The following FAM186A variants were observed in gnomAD, a reference collection of about 807,000 sequenced individuals.
The protein encoded by FAM186A is family with sequence similarity 186 member A, also known as protein FAM186A.
FAM186A carries 163 observed loss-of-function variants against 216.8 expected under a neutral mutation model. That is an observed-to-expected ratio of 0.75 (90% confidence interval 0.66 to 0.86). The LOEUF is 0.86. FAM186A is among the 40% of genes least tolerant of loss of function. The pLI, the probability that FAM186A is intolerant of heterozygous loss-of-function variation, is 0.00. For missense variants in FAM186A, 2,184 were observed against 2,746.2 expected, an observed-to-expected ratio of 0.80 and a Z score of 4.58; for synonymous variants, 805 against 1,025.3, an observed-to-expected ratio of 0.79 and a Z score of 4.10.
At position 50,356,082 on chromosome 12, in the gene FAM186A, G is replaced by A; in HGVS notation, c.750C>T (p.Phe250=). Reference sequence around the variant, plus strand: ...TAATAGCATTGTTTTCCAATGTACTGAACATTGTGGTGCCTATGAGTTCCT... The same window carrying A: ...TAATAGCATTGTTTTCCAATGTACTAAACATTGTGGTGCCTATGAGTTCCT... ...MLQELIGTTM[F]STLENNAIKY... is the part of the protein sequence containing the mutation. The change falls in exon 4 of 8, where the codon TTC becomes TTT. Residue 250 remains phenylalanine, a synonymous_variant. Transcript: ENST00000327337. 6.4e-7 allele frequency: 1 copy of A among 1,551,558 alleles called. No homozygotes were observed. The highest frequency in any genetic ancestry group is 8.7e-7 in the Non-Finnish European group (1 of 1,146,962).
rs150583039 is a variant in FAM186A, at chr12:50,351,674, C to T, written c.5158G>A (p.Ala1720Thr). The change falls in exon 4 of 8, where the codon GCT (alanine) becomes ACT (threonine). Residue 1720 changes from alanine to threonine, a missense_variant. Ala to Thr is a moderately conservative substitution (Grantham distance 58). Around this residue, in one of 7 missense-constraint regions of FAM186A, gnomAD observed 721 missense variants for 816.4 expected, o/e 0.88. Transcript: ENST00000327337. ...WSHRPFQKSK[A>T]SLPTGQSIIS... ...ATGGATTGCCCAGTGGGGAGAGAAG[C>T]CTTCGATTTCTGAAATGGTCTATGG... 1 of 1,551,422 alleles carries T rather than the reference C, an allele frequency of 6.4e-7. No homozygotes were observed. The highest frequency in any genetic ancestry group is 8.7e-7 in the Non-Finnish European group (1 of 1,146,922).
chr12:50,394,956 C>T (rs538116764), intron 1 of FAM186A, among the ~76,000 whole-genome samples: 1 of 151,816 alleles, frequency 6.6e-6, no homozygotes, highest in East Asian at 1.9e-4. Context: ...TCTCAAACTC[C>T]TGGGCTCAAG....
chr12:50,350,985 A>G lies in FAM186A; in HGVS notation c.5847T>C (p.Pro1949=). 6.4e-7 allele frequency: 1 copy of G among 1,551,610 alleles called. No individual in the cohort carries two copies. Among genetic ancestry groups the G allele is most frequent in the Non-Finnish European group, 8.7e-7 (1 of 1,146,972 alleles). The change falls in exon 4 of 8, where the codon CCT becomes CCC. Residue 1949 remains proline, a synonymous_variant. Transcript: ENST00000327337. ...TTGCCAATCTTTTCTTAGCAACAGA[A>G]GGGGACCAACTTTTCTGGGGCTTTC... ...APGKPQKSWS[P]SVAKKRLAII...
At chr12:50,388,681 C>G (rs1943328464) in intron 1 of FAM186A, among the ~76,000 whole-genome samples, 1 of 151,484 alleles carries the variant, frequency 6.6e-6, no homozygotes, top group Non-Finnish European at 1.5e-5. Context: ...TGACAGTTAC[C>G]TAAAAGGATT....
rs558397821 is a variant in FAM186A at position 50,388,366 on chromosome 12, C to T, written c.192+7927G>A. On this transcript the variant is annotated intron_variant, in intron 1 of 7. Coordinates refer to ENST00000327337, the MANE Select transcript of FAM186A (RefSeq NM_001145475.3). ...GGGCGCAGTGGCTCACACCTGTAAT[C>T]GCACACTTTGGGAGGCAGAGGCGGG... Among the ~76,000 whole-genome samples the T allele has an allele frequency of 1.8e-4, 28 of 152,310 alleles. 1 individual carries two copies. The highest frequency in any genetic ancestry group is 1.7e-3 in the South Asian group (8 of 4,830).
In FAM186A at chr12:50,387,448, G is replaced by T. The variant is rs190890913; in HGVS notation, c.192+8845C>A. On this transcript the variant is annotated intron_variant, in intron 1 of 7. Coordinates refer to ENST00000327337, the MANE Select transcript of FAM186A (RefSeq NM_001145475.3). The stretch of plus-strand genomic sequence containing the variant: ...TACACACTAGGAGTTTAGGAGTGGA[G>T]GTTTAATAGGCAGAAGAAAAGAGAA... Among the ~76,000 whole-genome samples the T allele has an allele frequency of 1.8e-4, 27 of 152,212 alleles. 1 individual carries two copies. Among genetic ancestry groups the T allele is most frequent in the Admixed American group, 3.9e-4 (6 of 15,266 alleles).
At chr12:50,335,795 G>A (rs1477948913) in intron 4 of FAM186A, among the ~76,000 whole-genome samples, 1 of 151,954 alleles carries the variant, frequency 6.6e-6, no homozygotes, top group Non-Finnish European at 1.5e-5. Context: ...AACTAAATAG[G>A]CTGCAGGAGC....
At chr12:50,344,989 C>T (rs1336928524) in intron 4 of FAM186A, among the ~76,000 whole-genome samples, 1 of 152,018 alleles carries the variant, frequency 6.6e-6, no homozygotes, top group East Asian at 1.9e-4. Context: ...CGGTGGCTCA[C>T]GCCTGTAATC....
In FAM186A at chr12:50,356,163, C is replaced by T; in HGVS notation, c.669G>A (p.Met223Ile). 1 of 1,551,584 alleles carries T rather than the reference C, an allele frequency of 6.4e-7. No individual in the cohort carries two copies. The highest frequency in any genetic ancestry group is 8.7e-7 in the Non-Finnish European group (1 of 1,146,978). ...STARALRPDQ[M>I]ISDQLATNTK... ...TATTTGTTGCAAGTTGATCACTAATCATCTGATCTGGTCTTAAAGCACGGG... is the reference window on the plus strand; with the variant it reads ...TATTTGTTGCAAGTTGATCACTAATTATCTGATCTGGTCTTAAAGCACGGG... The change falls in exon 4 of 8, where the codon ATG becomes ATA. Residue 223 changes from methionine to isoleucine, a missense_variant. Physicochemically the swap from Met to Ile is conservative, Grantham distance 10. Around this residue, in one of 7 missense-constraint regions of FAM186A, gnomAD observed 1,132 missense variants for 1,263.4 expected, o/e 0.90. Coordinates refer to ENST00000327337, the MANE Select transcript of FAM186A (RefSeq NM_001145475.3).
At chr12:50,394,906 T>G (rs892558237) in intron 1 of FAM186A, among the ~76,000 whole-genome samples, 1 of 151,588 alleles carries the variant, frequency 6.6e-6, no homozygotes, top group Non-Finnish European at 1.5e-5. Context: ...ATTTTTAAAT[T>G]TTTTCTAGAG....
At position 50,350,551 on chromosome 12, in the gene FAM186A, G is replaced by A. The variant is rs777545527; in HGVS notation, c.6281C>T (p.Pro2094Leu). The stretch of plus-strand genomic sequence containing the variant: ...TTCTTCAAGTTCTTGAGGAGAGGAA[G>A]GGGGCACCATTACTTTGGGTTTCTT... ...DTKKPKVMVP[P>L]SSPQELEEKR... Residue 2094 changes from proline (P) to leucine (L), a missense_variant, in exon 4 of 8, where the codon CCT becomes CTT. Physicochemically the swap from Pro to Leu is moderately conservative, Grantham distance 98. This residue lies in a region of FAM186A where 721 missense variants were observed against 816.4 expected (regional missense o/e 0.88). Coordinates refer to ENST00000327337, the MANE Select transcript of FAM186A (RefSeq NM_001145475.3). 3 of 1,551,618 alleles carry A rather than the reference G, an allele frequency of 1.9e-6. No individual in the cohort carries two copies. In the East Asian group the frequency reaches 7.3e-5, roughly 38 times the overall value.
Position 50,330,707 on chromosome 12 carries a change from T to G in FAM186A, c.6900A>C (p.Ser2300=). ...ATGTCTTCTCTGCTATTGGGTAGCT[T>G]GAAGTGGACAGATCAACATTCCAGA... ...EAIWNVDLST[S]SYPIAEKTSM... is the part of the protein sequence containing the mutation. Residue 2300 remains serine (S), a synonymous_variant, in exon 7 of 8, where the codon TCA becomes TCC. Coordinates refer to ENST00000327337, the MANE Select transcript of FAM186A (RefSeq NM_001145475.3). The G allele has an allele frequency of 6.5e-7, 1 of 1,542,480 alleles. No individual in the cohort carries two copies. The highest frequency in any genetic ancestry group is 1.2e-5 in the South Asian group (1 of 81,596).
intron 4 of FAM186A, among the ~76,000 whole-genome samples, chr12:50,339,356 A>G (rs561387058): frequency 6.6e-6 from 1 of 152,310 alleles, no homozygotes; most frequent in South Asian, 2.1e-4. Flanking sequence ...CTTGCCTGGC[A>G]TGGATGCCCT....
At chr12:50,386,428 CAAACAAACAAAG>C (rs1236247429) in intron 1 of FAM186A, among the ~76,000 whole-genome samples, 1 of 151,582 alleles carries the variant, frequency 6.6e-6, no homozygotes, top group Non-Finnish European at 1.5e-5. Flanking sequence ...TCTCAAAAAA[CAAACAAACAAAG>C]AAACAAACAA....
chr12:50,356,012 T>A lies in FAM186A; in HGVS notation c.820A>T (p.Met274Leu). ...TIVNLSTALS[M>L]LNDELKCVNF... Reference sequence around the variant, plus strand: ...ACACATTTTAATTCATCATTTAGCATACTCAAAGCTGTAGAAAGGTTTACT... The same window carrying A: ...ACACATTTTAATTCATCATTTAGCAAACTCAAAGCTGTAGAAAGGTTTACT... The change falls in exon 4 of 8, where the codon ATG (methionine) becomes TTG (leucine). Residue 274 changes from methionine (M) to leucine (L), a missense_variant. This residue lies in a region of FAM186A where 1,132 missense variants were observed against 1,263.4 expected (regional missense o/e 0.90). Coordinates refer to ENST00000327337, the MANE Select transcript of FAM186A (RefSeq NM_001145475.3). 1.3e-6 allele frequency: 2 copies of A among 1,551,648 alleles called. No individual in the cohort carries two copies. The highest frequency in any genetic ancestry group is 1.7e-6 in the Non-Finnish European group (2 of 1,146,978).
In FAM186A at chr12:50,352,873, G is replaced by A. The variant is rs551324592; in HGVS notation, c.3959C>T (p.Ala1320Val). 120 of 1,538,006 alleles carry A rather than the reference G, an allele frequency of 7.8e-5. No individual in the cohort carries two copies. Among genetic ancestry groups the A allele is most frequent in the Admixed American group, 1.6e-4 (8 of 49,670 alleles). ...ALGIPFTPQQ[A>V]QALGIPLTPQ... ...GGTGAGAGGGATCCCCAGGGCCTGC[G>A]CCTGCTGAGGGGTGAAAGGGATCCC... is the stretch of plus-strand genomic sequence containing the variant. Residue 1320 changes from alanine (A) to valine (V), a missense_variant, in exon 4 of 8, where the codon GCG (alanine) becomes GTG (valine). Physicochemically the swap from Ala to Val is moderately conservative, Grantham distance 64 (BLOSUM62 0). Coordinates refer to ENST00000327337, the MANE Select transcript of FAM186A (RefSeq NM_001145475.3).
At chr12:50,336,720 C>T (rs1305406619) in intron 4 of FAM186A, among the ~76,000 whole-genome samples, 2 of 151,856 alleles carry the variant, frequency 1.3e-5, no homozygotes, top group East Asian at 1.9e-4. Context: ...GGTTTTTGAC[C>T]ACAGATATGT....
In FAM186A at chr12:50,332,565, C is replaced by G. The variant is rs564728915; in HGVS notation, c.6697-744G>C. 2.6e-5 allele frequency among the ~76,000 whole-genome samples: 4 copies of G among 152,300 alleles called. No individual in the cohort carries two copies. The South Asian group carries it at 8.3e-4, about 32-fold the overall frequency. On this transcript the variant is annotated intron_variant, in intron 5 of 7. Coordinates refer to ENST00000327337, the MANE Select transcript of FAM186A (RefSeq NM_001145475.3). ...ATCCTCTGGATTCTGGCTTCCCTGG[C>G]CCCAGACCCTTATTCCTCCTCTGAA...
chr12:50,373,632 A>T (rs1565893325), intron 1 of FAM186A, among the ~76,000 whole-genome samples: 1 of 152,172 alleles, frequency 6.6e-6, no homozygotes, highest in Non-Finnish European at 1.5e-5. Flanking sequence ...AATGGCAATC[A>T]TTTAAAAGTC....
Sources: allele counts gnomAD v4.1 joint callset (sites outside exome capture counted in the v4.1 genomes callset), GRCh38; gene constraint gnomAD v4.1.1; regional missense constraint gnomAD v4.1.1; transcripts MANE v1.5; gene names NCBI Gene and HGNC (gene_info 2026-07-23, HGNC 2026-07-21).